CELSR1: variants seen among roughly 807,000 people sequenced by gnomAD.
CELSR1 encodes the protein cadherin EGF LAG seven-pass G-type receptor 1, also known as adhesion G protein-coupled receptor C1.
A neutral mutation model predicts 249.1 loss-of-function variants in CELSR1; 110 were observed. The ratio of observed to expected loss-of-function variants is 0.44; its 90% confidence interval spans 0.38 to 0.52. The LOEUF (loss-of-function observed/expected upper bound fraction) is 0.52. Ranked by LOEUF, CELSR1 falls within the 20% of genes least tolerant of loss-of-function variation. CELSR1 has a pLI of 0.00. For synonymous variants in CELSR1, 2,113 were observed against 1,900.0 expected, an observed-to-expected ratio of 1.11 and a Z score of -2.92; for missense variants, 4,109 against 4,296.4, an observed-to-expected ratio of 0.96 and a Z score of 1.22.
chr22:46,382,177 C>CA (rs1204900318), intron 20 of CELSR1, 127 bp from the exon 21 acceptor site: 14 of 848,018 alleles, frequency 1.7e-5, no homozygotes, highest in East Asian at 1.6e-4. Context: ...CGTGGGTCCC[C>CA]AAAAAATCAA....
chr22:46,528,122 C>T (rs2080756826), intron 1 of CELSR1, among the ~76,000 whole-genome samples: 2 of 151,448 alleles, frequency 1.3e-5, no homozygotes, highest in South Asian at 2.1e-4. Flanking sequence ...AAAAAAGGTC[C>T]GATCCTTCCC....
At chr22:46,462,185 G>A (rs1028600040) in intron 2 of CELSR1, among the ~76,000 whole-genome samples, 7 of 152,220 alleles carry the variant, frequency 4.6e-5, no homozygotes, top group African/African-American at 4.8e-5. Context: ...GAGAGACAGC[G>A]GGGGGAAGAG....
At chr22:46,452,824 C>G (rs1365997721) in intron 2 of CELSR1, among the ~76,000 whole-genome samples, 1 of 152,260 alleles carries the variant, frequency 6.6e-6, no homozygotes, top group East Asian at 1.9e-4. Context: ...CCGCCCTTGG[C>G]CCAGCACATG....
chr22:46,393,815 G>A lies in CELSR1; in HGVS notation c.5964+327C>T, dbSNP rs1352616999. 6.6e-6 allele frequency among the ~76,000 whole-genome samples: 1 copy of A among 152,154 alleles called. No individual in the cohort carries two copies. The highest frequency in any genetic ancestry group is 2.4e-5 in the African/African-American group (1 of 41,444). On this transcript the variant is annotated intron_variant, in intron 14 of 34. Transcript: ENST00000674500. This position sits in a 1 kb window ranked among gnomAD's most constrained non-coding sequence, Gnocchi z 4.1. Reference sequence around the variant, plus strand: ...CCGGGGTGGTGCCATAGATGAGCCAGCCCTCAGAAACGGGTGGGCTTCCCA... The same window carrying A: ...CCGGGGTGGTGCCATAGATGAGCCAACCCTCAGAAACGGGTGGGCTTCCCA...
Position 46,390,518 on chromosome 22 carries a change from A to G in CELSR1, c.6251-32T>C, listed in dbSNP as rs781542678. The G allele has an allele frequency of 5.0e-5, 76 of 1,525,450 alleles. No individual in the cohort carries two copies. The South Asian group carries it at 8.3e-4, about 17-fold the overall frequency. 94.5% of individuals were successfully genotyped at this position (1,525,450 alleles called of 1,614,324 possible). ...AAGGAGAGCAGGTGTGCAAAGCCTGAAACTCAAACTGTTGATCAATGCTTG... is the reference window on the plus strand; with the variant it reads ...AAGGAGAGCAGGTGTGCAAAGCCTGGAACTCAAACTGTTGATCAATGCTTG... On this transcript the variant is annotated intron_variant, in intron 16 of 34. Transcript: ENST00000674500. The surrounding 1 kb of genome is among the most constrained non-coding windows in gnomAD (Gnocchi z 6.3).
chr22:46,426,180 G>A (rs974581604), intron 5 of CELSR1, among the ~76,000 whole-genome samples: 1 of 152,078 alleles, frequency 6.6e-6, no homozygotes, highest in Non-Finnish European at 1.5e-5. Flanking sequence ...GCCTGGTGAG[G>A]TTGGAAGGTT....
rs752980691 is a variant in CELSR1, at chr22:46,433,362, G to A, written c.4611+31C>T. The A allele has an allele frequency of 4.4e-6, 7 of 1,587,486 alleles. No individual in the cohort carries two copies. Among genetic ancestry groups the A allele is most frequent in the Non-Finnish European group, 6.0e-6 (7 of 1,158,270 alleles). On this transcript the variant is annotated intron_variant, in intron 5 of 34. Coordinates refer to ENST00000674500, the MANE Select transcript of CELSR1 (RefSeq NM_001378328.1). This position sits in a 1 kb window ranked among gnomAD's most constrained non-coding sequence, Gnocchi z 5.7. ...AGGGCACCTTCTCGAGCCGCCCTGGGGCCAGGGGGAAGTGGTGGGGCCCAT... is the reference window on the plus strand; with the variant it reads ...AGGGCACCTTCTCGAGCCGCCCTGGAGCCAGGGGGAAGTGGTGGGGCCCAT...
intron 1 of CELSR1, among the ~76,000 whole-genome samples, chr22:46,466,996 G>A (rs1014700319): frequency 2.6e-5 from 4 of 152,214 alleles, no homozygotes; most frequent in Non-Finnish European, 5.9e-5. Flanking sequence ...ACCTGGCCGT[G>A]CTGCCTCCCT....
intron 5 of CELSR1, among the ~76,000 whole-genome samples, chr22:46,422,946 G>A (rs1301809508): frequency 1.3e-5 from 2 of 152,216 alleles, no homozygotes; most frequent in African/African-American, 4.8e-5. Context: ...GGGCCACGAT[G>A]ATGCCTCCTG....
intron 13 of CELSR1, among the ~76,000 whole-genome samples, chr22:46,394,880 G>A (rs923305536): frequency 2.8e-4 from 42 of 152,336 alleles, no homozygotes; most frequent in African/African-American, 9.6e-4. Context: ...CAACACTGCA[G>A]GGACAAAGCC....
intron 22 of CELSR1, among the ~76,000 whole-genome samples, chr22:46,379,044 G>T (rs573653048): frequency 6.6e-6 from 1 of 152,220 alleles, no homozygotes; most frequent in South Asian, 2.1e-4. Flanking sequence ...CAAGTTCTAC[G>T]TGCCATCTAG....
chr22:46,370,143 G>A, intron 25 of CELSR1: 1 of 472,864 alleles, frequency 2.1e-6, no homozygotes, highest in Non-Finnish European at 4.2e-6. Context: ...GTGCTTGGGA[G>A]GACCCTGCCA....
At chr22:46,474,682 G>A (rs2080189407) in intron 1 of CELSR1, among the ~76,000 whole-genome samples, 1 of 151,096 alleles carries the variant, frequency 6.6e-6, no homozygotes, top group Non-Finnish European at 1.5e-5. Flanking sequence ...ACTTATTCCT[G>A]CCATCCTACT....
rs2079732433 is a variant in CELSR1, at chr22:46,440,479, G to A, written c.4184-1068C>T. Among the ~76,000 whole-genome samples, 2 of 152,192 alleles carry A rather than the reference G, an allele frequency of 1.3e-5. No individual in the cohort carries two copies. Among genetic ancestry groups the A allele is most frequent in the Admixed American group, 6.5e-5 (1 of 15,280 alleles). ...CTCCCAAAGTGCTGGGATTACAGGC[G>A]TGAGCCACCGCGCCCGGCCAGTATG... On this transcript the variant is annotated intron_variant, in intron 2 of 34. Transcript: ENST00000674500. The surrounding 1 kb of genome is among the most constrained non-coding windows in gnomAD (Gnocchi z 4.7).
intron 3 of CELSR1, among the ~76,000 whole-genome samples, chr22:46,438,341 A>G (rs1469832736): frequency 6.6e-6 from 1 of 152,148 alleles, no homozygotes; most frequent in Non-Finnish European, 1.5e-5. Flanking sequence ...CCCACCTGAA[A>G]CAAAAGCAGC....
intron 1 of CELSR1, among the ~76,000 whole-genome samples, chr22:46,493,023 C>T (rs967720190): frequency 6.6e-6 from 1 of 152,094 alleles, no homozygotes; most frequent in Non-Finnish European, 1.5e-5. Context: ...ATGGGAGGAT[C>T]GCTTGAGGCT....
intron 9 of CELSR1, among the ~76,000 whole-genome samples, chr22:46,405,023 C>T (rs1294932072): frequency 6.6e-6 from 1 of 151,758 alleles, no homozygotes; most frequent in East Asian, 1.9e-4. Context: ...TGGGGTTTCC[C>T]CATGTTGGCC....
intron 1 of CELSR1, among the ~76,000 whole-genome samples, chr22:46,511,107 T>TC (rs1475911599): frequency 8.1e-6 from 1 of 122,964 alleles, no homozygotes; most frequent in Non-Finnish European, 1.7e-5. Flanking sequence ...GATCAAGACT[T>TC]CGTCTCAAAA....
intron 1 of CELSR1, among the ~76,000 whole-genome samples, chr22:46,507,833 C>CT (rs1290657208): frequency 6.7e-6 from 1 of 149,988 alleles, no homozygotes; most frequent in Non-Finnish European, 1.5e-5. Flanking sequence ...CTAACACAGC[C>CT]CAGAGTACAG....
Sources: allele counts gnomAD v4.1 joint callset (sites outside exome capture counted in the v4.1 genomes callset), GRCh38; gene constraint gnomAD v4.1.1; non-coding constraint Gnocchi (gnomAD v3.1); transcripts MANE v1.5; gene names NCBI Gene and HGNC (gene_info 2026-07-23, HGNC 2026-07-21).